The following TEX9 variants were observed in gnomAD, a reference collection of about 807,000 sequenced individuals.
TEX9 encodes the protein testis expressed 9.
Under a neutral mutation model 59.6 loss-of-function variants are expected in TEX9, and 74 were observed. The observed-to-expected ratio is 1.24, with a 90% CI of 1.03 to 1.51. TEX9 has a LOEUF of 1.51. TEX9 is among the 40% of genes most tolerant of loss of function. TEX9 has a pLI of 0.00. For synonymous variants in TEX9, 186 were observed against 152.2 expected (o/e 1.22, Z -1.64); for missense variants, 522 against 447.8 (o/e 1.17, Z -1.49).
At chr15:56,385,704 T>C (rs2142194530) in intron 4 of TEX9, among the ~76,000 whole-genome samples, 1 of 152,188 alleles carries the variant, frequency 6.6e-6, no homozygotes, top group Admixed American at 6.5e-5. Flanking sequence ...GCAAAGAAAC[T>C]CTAACAATGG....
rs1434229152 is a variant in TEX9, at chr15:56,407,805, A to G, written c.829-4497A>G. Among the ~76,000 whole-genome samples, 3 of 152,176 alleles carry G rather than the reference A, an allele frequency of 2.0e-5. No homozygotes were observed. In the South Asian group the frequency reaches 6.2e-4, roughly 31 times the overall value. ...TTGCTTCCTTTTTCATTAAGGAAACAGAATCAAAAGATAACTTTATCATCC... is the reference window on the plus strand; with the variant it reads ...TTGCTTCCTTTTTCATTAAGGAAACGGAATCAAAAGATAACTTTATCATCC... On this transcript the variant is annotated intron_variant, in intron 9 of 12. Coordinates refer to ENST00000352903, the Ensembl canonical transcript of TEX9.
chr15:56,417,529 G>T (rs779405781), intron 10 of TEX9, among the ~76,000 whole-genome samples: 3 of 151,528 alleles, frequency 2.0e-5, no homozygotes, highest in Non-Finnish European at 4.4e-5. Flanking sequence ...CTTGACTCCA[G>T]TTTATTGTGC....
downstream of TEX9, chr15:56,446,922 C>T (rs371046755): frequency 1.2e-6 from 2 of 1,608,582 alleles, no homozygotes; most frequent in Admixed American, 1.7e-5. Context: ...TTAATTTCTT[C>T]TCCAATTCTC....
intron 10 of TEX9, among the ~76,000 whole-genome samples, chr15:56,418,257 A>G (rs1024155074): frequency 1.3e-5 from 2 of 151,776 alleles, no homozygotes; most frequent in African/African-American, 2.4e-5. Context: ...TTGTTTGTGT[A>G]ATTGCTTTAC....
chr15:56,443,585 G>T, intron 12 of TEX9: 1 of 1,584,806 alleles, frequency 6.3e-7, no homozygotes, highest in Non-Finnish European at 8.6e-7. Context: ...TCCAAATTCT[G>T]TAACTAATAT....
intron 10 of TEX9, among the ~76,000 whole-genome samples, chr15:56,426,565 T>A (rs2050261059): frequency 2.4e-4 from 2 of 8,332 alleles, no homozygotes; most frequent in Non-Finnish European, 1.1e-3. Context: ...AAGAGGTGTT[T>A]TTTTTTTTTT....
chr15:56,445,077 G>A (rs2050884589), intron 12 of TEX9, among the ~76,000 whole-genome samples: 1 of 152,000 alleles, frequency 6.6e-6, no homozygotes, highest in East Asian at 1.9e-4. Context: ...GCTATTTAAA[G>A]ATGGTACTGC....
chr15:56,289,650 G>A (rs1567074556), intron 1 of TEX9, among the ~76,000 whole-genome samples: 1 of 152,190 alleles, frequency 6.6e-6, no homozygotes, highest in Non-Finnish European at 1.5e-5. Context: ...TGTGGCTGAG[G>A]GGGTTTCTCT....
intron 1 of TEX9, among the ~76,000 whole-genome samples, chr15:56,247,819 C>A (rs1216513809): frequency 6.6e-6 from 1 of 152,206 alleles, no homozygotes; most frequent in Non-Finnish European, 1.5e-5. Context: ...TGTTCTCCTT[C>A]TTTCCCAACT....
chr15:56,444,660 T>G, intron 12 of TEX9: 1 of 1,611,184 alleles, frequency 6.2e-7, no homozygotes, highest in Non-Finnish European at 8.5e-7. Context: ...TTTGGCTATT[T>G]CAGCATCACG....
At chr15:56,402,155 G>A (rs1163797045) in intron 9 of TEX9, among the ~76,000 whole-genome samples, 1 of 152,154 alleles carries the variant, frequency 6.6e-6, no homozygotes, top group Non-Finnish European at 1.5e-5. Context: ...AGGAGATAGA[G>A]ACATGAAAAA....
rs572361087 is a variant in TEX9 at position 56,427,747 on chromosome 15, T to TATCA, written c.1098+9_1098+12dup. Reference sequence around the variant, plus strand: ...GTTTTAAAAAGGCAAAAGGTGAGTCTATCATTAAAGTTAAATCATCATATT... The same window carrying TATCA: ...GTTTTAAAAAGGCAAAAGGTGAGTCTATCAATCATTAAAGTTAAATCATCATATT... On this transcript the variant is annotated intron_variant, in intron 11 of 12. Coordinates refer to ENST00000352903, the Ensembl canonical transcript of TEX9. 404 of 1,450,064 alleles carry TATCA rather than the reference T, an allele frequency of 2.8e-4. 1 individual carries two copies. In the African/African-American group the frequency reaches 5.0e-3, roughly 18 times the overall value. The allele number at this position is 1,450,064 out of a possible 1,614,324, so 89.8% of individuals were successfully genotyped here.
At chr15:56,321,253 G>A (rs2045895089) in intron 1 of TEX9, among the ~76,000 whole-genome samples, 1 of 152,080 alleles carries the variant, frequency 6.6e-6, no homozygotes, top group South Asian at 2.1e-4. Flanking sequence ...TTGTCCCAGG[G>A]CATACTCAAA....
chr15:56,327,232 AC>A (rs1241189805), intron 1 of TEX9, among the ~76,000 whole-genome samples: 2 of 152,334 alleles, frequency 1.3e-5, no homozygotes, highest in South Asian at 2.1e-4. Flanking sequence ...TCATATTATT[AC>A]TGATGATATA....
exon 3 of TEX9, chr15:56,373,441 G>A: frequency 6.3e-7 from 1 of 1,587,554 alleles, no homozygotes; most frequent in Non-Finnish European, 8.5e-7. Flanking sequence ...CTGCTTTTAG[G>A]CGTTTAAATG....
chr15:56,434,757 T>A (rs1262845666), intron 12 of TEX9, among the ~76,000 whole-genome samples: 4 of 152,144 alleles, frequency 2.6e-5, no homozygotes, highest in Middle Eastern at 3.2e-3. Flanking sequence ...AGAATCTTGC[T>A]TACAAAAGCT....
chr15:56,394,070 A>G, intron 7 of TEX9, 95 bp from the exon 8 acceptor site: 1 of 1,136,122 alleles, frequency 8.8e-7, no homozygotes, highest in South Asian at 1.5e-5. Flanking sequence ...CCCCATCTTG[A>G]GTATTTTCTT....
intron 12 of TEX9, among the ~76,000 whole-genome samples, chr15:56,437,486 A>G (rs1347802847): frequency 2.6e-5 from 4 of 152,186 alleles, no homozygotes; most frequent in Non-Finnish European, 5.9e-5. Flanking sequence ...AGAGCTATTT[A>G]TGACAAACCC....
intron 1 of TEX9, among the ~76,000 whole-genome samples, chr15:56,329,116 G>A (rs1253622592): frequency 6.6e-6 from 1 of 152,122 alleles, no homozygotes; most frequent in African/African-American, 2.4e-5. Flanking sequence ...AGAAAGTAAG[G>A]GGAGAGAACA....
Sources: allele counts gnomAD v4.1 joint callset (sites outside exome capture counted in the v4.1 genomes callset), GRCh38; gene constraint gnomAD v4.1.1; transcripts MANE v1.5; gene names NCBI Gene and HGNC (gene_info 2026-07-23, HGNC 2026-07-21).